ARHGEF25: variants seen among roughly 807,000 people sequenced by gnomAD.
The protein encoded by ARHGEF25 is Rho guanine nucleotide exchange factor 25.
ARHGEF25 carries 42 observed loss-of-function variants against 74.0 expected under a neutral mutation model. That is an observed-to-expected ratio of 0.57 (90% CI 0.44 to 0.73). The LOEUF is 0.73. ARHGEF25 is among the 30% of genes least tolerant of loss of function. The pLI is 0.00. For missense variants in ARHGEF25, 645 were observed against 725.5 expected, an observed-to-expected ratio of 0.89 and a Z score of 1.27; for synonymous variants, 293 against 278.6, an observed-to-expected ratio of 1.05 and a Z score of -0.51.
chr12:57,615,928 A>G lies in ARHGEF25; in HGVS notation c.1331A>G (p.Tyr444Cys), dbSNP rs372798341. ...GGGCCAGAGGGTGGGATCCAGCGCT[A>G]TGTCCTGCAGGCTGCAGACCCTGCT... Reference protein sequence around the residue: ...SRGPEGGIQRYVLQAADPAIS... With the variant: ...SRGPEGGIQRCVLQAADPAIS... Residue 444 changes from tyrosine (Y) to cysteine (C), a missense_variant, in exon 13 of 15, where the codon TAT becomes TGT. Transcript: ENST00000286494. 6 of 1,614,068 alleles carry G rather than the reference A, an allele frequency of 3.7e-6. No homozygotes were observed. The African/African-American group carries it at 8.0e-5, about 22-fold the overall frequency.
At position 57,613,146 on chromosome 12, in the gene ARHGEF25, T is replaced by C. The variant is rs765288175; in HGVS notation, c.312+2T>C. ...AGTGGTCAGGCAGGACCATATGAGG[T>C]GAGCAGGGAACGGCACCAAAGCATG... On this transcript the variant is annotated splice_donor_variant, in intron 2 of 14. Transcript: ENST00000286494. LOFTEE classifies it high-confidence loss of function. 1.2e-6 allele frequency: 2 copies of C among 1,611,680 alleles called. No individual in the cohort carries two copies. Among genetic ancestry groups the C allele is most frequent in the Admixed American group, 3.3e-5 (2 of 59,882 alleles).
chr12:57,610,298 C>T, upstream of ARHGEF25: 1 of 1,551,470 alleles, frequency 6.4e-7, no homozygotes, highest in Non-Finnish European at 8.7e-7. Context: ...CGCATGCGCC[C>T]TCCCTGGGCA....
rs1434141803 is a variant in ARHGEF25 at position 57,617,056 on chromosome 12, A to G, written c.*162A>G. On this transcript the variant is annotated 3_prime_UTR_variant, in exon 15 of 15. Transcript: ENST00000286494. ...ACTTGGAGGAGAACACCTAGACCCAAGGACTTTTTTCTGCCCAAGGAACAC... is the reference window on the plus strand; with the variant it reads ...ACTTGGAGGAGAACACCTAGACCCAGGGACTTTTTTCTGCCCAAGGAACAC... The G allele has an allele frequency of 2.3e-5, 7 of 308,308 alleles. No individual in the cohort carries two copies. The East Asian group carries it at 5.3e-4, about 23-fold the overall frequency. 19.1% of individuals were successfully genotyped at this position (308,308 alleles called of 1,614,324 possible). A position where few individuals can be genotyped will look rare whatever the true frequency, so the allele number is the denominator to read the frequency against.
At position 57,616,293 on chromosome 12, in the gene ARHGEF25, C is replaced by T. The variant is rs1884282739; in HGVS notation, c.1430C>T (p.Ser477Leu). ...CCTCTCTTTGCTCCAGCATTGCAGT[C>T]ACCCATTGAGTACCAGAGACGGGAG... ...SQRDFLNALQ[S>L]PIEYQRRESQ... is the part of the protein sequence containing the mutation. Residue 477 changes from serine (S) to leucine (L), a missense_variant, in exon 14 of 15, where the codon TCA (serine) becomes TTA (leucine). Physicochemically the swap from Ser to Leu is moderately radical, Grantham distance 145. Around this residue, in one of 3 missense-constraint regions of ARHGEF25, gnomAD observed 262 missense variants for 256.9 expected, o/e 1.02. Transcript: ENST00000286494. The T allele has an allele frequency of 6.2e-7, 1 of 1,611,672 alleles. No homozygotes were observed. Among genetic ancestry groups the T allele is most frequent in the African/African-American group, 1.3e-5 (1 of 75,028 alleles).
intron 14 of ARHGEF25, 124 bp from the exon 15 acceptor site, chr12:57,616,660 A>G (rs192181587): frequency 2.1e-6 from 2 of 954,328 alleles, no homozygotes; most frequent in East Asian, 4.8e-5. Context: ...AGAAGCTGAT[A>G]GTCTCAGACA....
Position 57,613,267 on chromosome 12 carries a change from T to C in ARHGEF25, c.316T>C (p.Trp106Arg). The change falls in exon 3 of 15, where the codon TGG becomes CGG. Residue 106 changes from tryptophan (W) to arginine (R), a missense_variant. Transcript: ENST00000286494. ...DSGQAGPYEN[W>R]MLEPALATGE... Reference sequence around the variant, plus strand: ...ACACTTGATTTCTGGCCCCCAGAACTGGATGTTGGAGCCAGCTCTAGCCAC... The same window carrying C: ...ACACTTGATTTCTGGCCCCCAGAACCGGATGTTGGAGCCAGCTCTAGCCAC... 6.2e-7 allele frequency: 1 copy of C among 1,614,128 alleles called. No individual in the cohort carries two copies. The highest frequency in any genetic ancestry group is 2.2e-5 in the East Asian group (1 of 44,880).
At position 57,613,444 on chromosome 12, in the gene ARHGEF25, C is replaced by T. The variant is rs143068244; in HGVS notation, c.413C>T (p.Pro138Leu). The T allele has an allele frequency of 2.0e-5, 33 of 1,614,088 alleles. No individual in the cohort carries two copies. Among genetic ancestry groups the T allele is most frequent in the African/African-American group, 5.3e-5 (4 of 74,930 alleles). Residue 138 changes from proline (P) to leucine (L), a missense_variant, in exon 4 of 15, where the codon CCT (proline) becomes CTT (leucine). Around this residue, in one of 3 missense-constraint regions of ARHGEF25, gnomAD observed 189 missense variants for 199.1 expected, o/e 0.95. Coordinates refer to ENST00000286494, the MANE Select transcript of ARHGEF25 (RefSeq NM_182947.4). ...LEGPGDKTQPPEEETLSQAPE... is the reference protein window; with the variant it reads ...LEGPGDKTQPLEEETLSQAPE... The stretch of plus-strand genomic sequence containing the variant: ...TAGGATGTTCTTTCCTTCCAGCCAC[C>T]TGAAGAGGAGACTTTGTCCCAAGCC...
chr12:57,612,037 T>C, intron 1 of ARHGEF25, 46 bp downstream of exon 1: 1 of 864,456 alleles, frequency 1.2e-6, no homozygotes, highest in Non-Finnish European at 1.6e-6. Context: ...GGGGGCGGGC[T>C]GGGGGTTCAG....
chr12:57,611,863 C>T lies in ARHGEF25; in HGVS notation c.-32C>T. The T allele has an allele frequency of 8.2e-7, 1 of 1,218,982 alleles. No individual in the cohort carries two copies. Among genetic ancestry groups the T allele is most frequent in the Non-Finnish European group, 1.0e-6 (1 of 961,130 alleles). 75.5% of individuals were successfully genotyped at this position (1,218,982 alleles called of 1,614,324 possible). A position where few individuals can be genotyped will look rare whatever the true frequency, so the allele number is the denominator to read the frequency against. On this transcript the variant is annotated 5_prime_UTR_variant, in exon 1 of 15. Coordinates refer to ENST00000286494, the MANE Select transcript of ARHGEF25 (RefSeq NM_182947.4). The surrounding 1 kb of genome is among the most constrained non-coding windows in gnomAD (Gnocchi z 4.5). ...CCGTGATTCCCCCTGCATGGCCGGC[C>T]CGGGTGGGGGGCGCGGGGGGGCCCG...
chr12:57,611,479 C>A lies in ARHGEF25; in HGVS notation c.-416C>A. ...TGGGACCCGCACAGCGCCAGTGGCT[C>A]GGGGGTCGGCCCTCGCCTCCTCCCC... On this transcript the variant is annotated 5_prime_UTR_variant, in exon 1 of 15. Transcript: ENST00000286494. This position sits in a 1 kb window ranked among gnomAD's most constrained non-coding sequence, Gnocchi z 4.5. 2 of 985,700 alleles carry A rather than the reference C, an allele frequency of 2.0e-6. No individual in the cohort carries two copies. Among genetic ancestry groups the A allele is most frequent in the Non-Finnish European group, 2.4e-6 (2 of 830,186 alleles). 61.1% of individuals were successfully genotyped at this position (985,700 alleles called of 1,614,324 possible). A position where few individuals can be genotyped will look rare whatever the true frequency, so the allele number is the denominator to read the frequency against.
Position 57,611,870 on chromosome 12 carries a change from G to T in ARHGEF25, c.-25G>T. On this transcript the variant is annotated 5_prime_UTR_variant, in exon 1 of 15. Transcript: ENST00000286494. This position sits in a 1 kb window ranked among gnomAD's most constrained non-coding sequence, Gnocchi z 4.5. ...TCCCCCTGCATGGCCGGCCCGGGTG[G>T]GGGGCGCGGGGGGGCCCGGGCGCCA... 8.2e-7 allele frequency: 1 copy of T among 1,214,072 alleles called. No homozygotes were observed. The highest frequency in any genetic ancestry group is 3.0e-5 in the East Asian group (1 of 33,724). 75.2% of individuals were successfully genotyped at this position (1,214,072 alleles called of 1,614,324 possible). A position where few individuals can be genotyped will look rare whatever the true frequency, so the allele number is the denominator to read the frequency against.
At chr12:57,612,206 T>A (rs1189587767) in intron 1 of ARHGEF25, 1 of 332,726 alleles carries the variant, frequency 3.0e-6, no homozygotes. Flanking sequence ...CTCATCTCTT[T>A]CCCTTTGTCA....
chr12:57,613,115 GCAGA>G lies in ARHGEF25; in HGVS notation c.287_290del (p.Asp96ValfsTer16). On this transcript the variant is annotated frameshift_variant, in exon 2 of 15. Coordinates refer to ENST00000286494, the MANE Select transcript of ARHGEF25 (RefSeq NM_182947.4). LOFTEE classifies it high-confidence loss of function. ...ACATTGTCTCAGTGTGGAAACTGAG[GCAGA>G]CAGTGGTCAGGCAGGACCATATGAG... The G allele has an allele frequency of 6.2e-7, 1 of 1,613,560 alleles. No homozygotes were observed. Among genetic ancestry groups the G allele is most frequent in the African/African-American group, 1.3e-5 (1 of 75,050 alleles).
Position 57,615,225 on chromosome 12 carries a change from C to A in ARHGEF25, c.961-12C>A. The A allele has an allele frequency of 1.3e-6, 2 of 1,588,500 alleles. No individual in the cohort carries two copies. Among genetic ancestry groups the A allele is most frequent in the Non-Finnish European group, 1.7e-6 (2 of 1,168,598 alleles). On this transcript the variant is annotated splice_polypyrimidine_tract_variant and intron_variant, in intron 10 of 14. Transcript: ENST00000286494. ...TTCGCCCAACAATGCGCCTCCCTCACCTGTGTCCCAGCAAGCTGTGGAGGT... is the reference window on the plus strand; with the variant it reads ...TTCGCCCAACAATGCGCCTCCCTCAACTGTGTCCCAGCAAGCTGTGGAGGT...
chr12:57,616,992 G>A lies in ARHGEF25; in HGVS notation c.*98G>A. On this transcript the variant is annotated 3_prime_UTR_variant, in exon 15 of 15. Transcript: ENST00000286494. ...CACTGCTCCAGAATTCCTCCTTCTT[G>A]GTGTGTCTGGAGGGTGGGCAAGGCT... The A allele has an allele frequency of 1.0e-6, 1 of 975,630 alleles. No individual in the cohort carries two copies. Among genetic ancestry groups the A allele is most frequent in the Non-Finnish European group, 1.6e-6 (1 of 628,658 alleles). 60.4% of individuals were successfully genotyped at this position (975,630 alleles called of 1,614,324 possible).
At position 57,613,332 on chromosome 12, in the gene ARHGEF25, G is replaced by A; in HGVS notation, c.381G>A (p.Leu127=). ...CGGAACTGACCTTGCTGACCACACT[G>A]TTGGAGGGCCCTGGAGATAAGACGC... ...ELPELTLLTT[L]LEGPGDKTQP... is the part of the protein sequence containing the mutation. Residue 127 remains leucine (L), a synonymous_variant, in exon 3 of 15, where the codon CTG becomes CTA. Transcript: ENST00000286494. 6.2e-7 allele frequency: 1 copy of A among 1,614,258 alleles called. No individual in the cohort carries two copies. The highest frequency in any genetic ancestry group is 8.5e-7 in the Non-Finnish European group (1 of 1,180,040).
chr12:57,616,427 T>C lies in ARHGEF25; in HGVS notation c.1564T>C (p.Ser522Pro). Residue 522 changes from serine (S) to proline (P), a missense_variant, in exon 14 of 15, where the codon TCT becomes CCT. This residue lies in a region of ARHGEF25 where 262 missense variants were observed against 256.9 expected (regional missense o/e 1.02). Coordinates refer to ENST00000286494, the MANE Select transcript of ARHGEF25 (RefSeq NM_182947.4). ...QGSTHTPING[S>P]LPSLLLSPKG... ...CAGCACACACACACCCATCAATGGC[T>C]CTCTCCCCTCTCTGCTGCTGTCACC... The C allele has an allele frequency of 1.2e-6, 2 of 1,614,098 alleles. No homozygotes were observed. Among genetic ancestry groups the C allele is most frequent in the Non-Finnish European group, 1.7e-6 (2 of 1,179,994 alleles).
intron 13 of ARHGEF25, 125 bp downstream of exon 13, chr12:57,616,142 A>G: frequency 6.8e-7 from 1 of 1,465,390 alleles, no homozygotes; most frequent in Non-Finnish European, 9.2e-7. Flanking sequence ...CTGCTAGCTC[A>G]AAATTTGATA....
Position 57,612,710 on chromosome 12 carries a change from C to T in ARHGEF25, c.98-220C>T, listed in dbSNP as rs566044515. 1.1e-3 allele frequency: 1,574 copies of T among 1,429,404 alleles called. 3 individuals are homozygous for T. The highest frequency in any genetic ancestry group is 3.5e-3 in the Middle Eastern group (13 of 3,744). 88.5% of individuals were successfully genotyped at this position (1,429,404 alleles called of 1,614,324 possible). ...GAACCTCCACATGTAACTGGGGGTT[C>T]CAGGCCTGGAGAGCCAGGCGTTTAC... On this transcript the variant is annotated intron_variant, in intron 1 of 14. Transcript: ENST00000286494.
Sources: allele counts gnomAD v4.1 joint callset, GRCh38; gene constraint gnomAD v4.1.1; regional missense constraint gnomAD v4.1.1; non-coding constraint Gnocchi (gnomAD v3.1); transcripts MANE v1.5; gene names NCBI Gene and HGNC (gene_info 2026-07-23, HGNC 2026-07-21).